The following TMEM237 variants were observed in gnomAD, a reference collection of about 807,000 sequenced individuals.
The protein encoded by TMEM237 is transmembrane protein 237, also known as amyotrophic lateral sclerosis 2 (juvenile) chromosome region, candidate 4.
Under a neutral mutation model 59.1 loss-of-function variants are expected in TMEM237, and 51 were observed. The observed-to-expected ratio is 0.86, with a 90% CI of 0.69 to 1.09. The LOEUF (loss-of-function observed/expected upper bound fraction) is 1.09, where lower values mean the gene tolerates loss of function less well. TMEM237 is among the 50% of genes least tolerant of loss of function. The probability of loss-of-function intolerance (pLI) is 0.00; values close to 1 mark genes in which losing one functional copy is unlikely to be tolerated. For synonymous variants in TMEM237, 140 were observed against 166.1 expected (o/e 0.84, Z 1.21); for missense variants, 475 against 478.3 (o/e 0.99, Z 0.06).
intron 11 of TMEM237, 186 bp from the exon 12 acceptor site, chr2:201,626,333 GTTAT>G (rs1415157550): frequency 3.4e-6 from 2 of 586,818 alleles, no homozygotes; most frequent in African/African-American, 3.7e-5. Context: ...GGGTTCAAAG[GTTAT>G]TTAAACTCTG....
chr2:201,625,844 C>T (rs1203466872), intron 12 of TMEM237, among the ~76,000 whole-genome samples, 182 bp downstream of exon 12: 1 of 152,130 alleles, frequency 6.6e-6, no homozygotes, highest in Admixed American at 6.5e-5. Context: ...CCCTCCTAGA[C>T]ACTCCTCCCT....
chr2:201,636,839 G>A lies in TMEM237; in HGVS notation c.183C>T (p.Pro61=), dbSNP rs372100073. 2.0e-4 allele frequency: 322 copies of A among 1,606,800 alleles called. No homozygotes were observed. The highest frequency in any genetic ancestry group is 1.5e-3 in the Middle Eastern group (9 of 6,038). ...EGLAQTAGRR[P]SEGNEPSTKE... is the part of the protein sequence containing the mutation. The stretch of plus-strand genomic sequence containing the variant: ...TAGTTGATGGCTCATTGCCCTCAGA[G>A]GGCCTTCGACCAGCAGTCTGAGCAA... The change falls in exon 5 of 13, where the codon CCC becomes CCT. Residue 61 remains proline, a synonymous_variant. Coordinates refer to ENST00000409883, the MANE Select transcript of TMEM237 (RefSeq NM_001044385.3).
intron 9 of TMEM237, 47 bp downstream of exon 9, chr2:201,629,183 C>A (rs376829216): frequency 2.2e-6 from 3 of 1,382,004 alleles, no homozygotes. Context: ...TTTTGCTCAG[C>A]ATTTCCTCCT....
At chr2:201,638,754 T>C in intron 4 of TMEM237, 1 of 537,398 alleles carries the variant, frequency 1.9e-6, no homozygotes, top group African/African-American at 1.9e-5. Flanking sequence ...AATAGGAGCT[T>C]AGATGGCACC....
intron 1 of TMEM237, chr2:201,642,590 G>A: frequency 1.2e-6 from 2 of 1,603,238 alleles, no homozygotes; most frequent in Non-Finnish European, 1.7e-6. Context: ...ACAATTAAAA[G>A]TAGCTAAGGC....
intron 7 of TMEM237, 146 bp from the exon 8 acceptor site, chr2:201,629,998 A>G (rs191129062): frequency 1.0e-6 from 1 of 964,942 alleles, no homozygotes; most frequent in Non-Finnish European, 1.5e-6. Flanking sequence ...CTCAGTACCT[A>G]TTTCAGAAGG....
At chr2:201,627,093 A>C (rs1361417241) in intron 11 of TMEM237, among the ~76,000 whole-genome samples, 1 of 149,944 alleles carries the variant, frequency 6.7e-6, no homozygotes, top group Admixed American at 6.7e-5. Context: ...AAAAAAAAAA[A>C]CTATAACTTG....
At chr2:201,626,220 ACTTT>A in intron 11 of TMEM237, 73 bp from the exon 12 acceptor site, 1 of 1,508,462 alleles carries the variant, frequency 6.6e-7, no homozygotes, top group Non-Finnish European at 8.9e-7. Context: ...TATTTTATGA[ACTTT>A]AAGAAAAAAC....
Position 201,626,680 on chromosome 2 carries a change from G to C in TMEM237, c.1038-533C>G, listed in dbSNP as rs989058579. ...TCTTTCTAGCATTGCTTGGTTTTCT[G>C]AATCTATCCCAGCTACTCACTCCCA... On this transcript the variant is annotated intron_variant, in intron 11 of 12. Coordinates refer to ENST00000409883, the MANE Select transcript of TMEM237 (RefSeq NM_001044385.3). 3.3e-5 allele frequency among the ~76,000 whole-genome samples: 5 copies of C among 152,122 alleles called. No individual in the cohort carries two copies. In the East Asian group the frequency reaches 9.6e-4, roughly 29 times the overall value.
chr2:201,633,431 T>A lies in TMEM237; in HGVS notation c.275A>T (p.Glu92Val). Residue 92 changes from glutamate (E) to valine (V), a missense_variant and splice_region_variant, in exon 6 of 13, where the codon GAA (glutamate) becomes GTA (valine). Transcript: ENST00000409883. Reference protein sequence around the residue: ...RRQKKTRLPLELETSSTQKKS... With the variant: ...RRQKKTRLPLVLETSSTQKKS... Reference sequence around the variant, plus strand: ...CTTTTGGGTGGAGGAAGTCTCCAATTCTGAAAACAAAATAAATTTAACTTT... The same window carrying A: ...CTTTTGGGTGGAGGAAGTCTCCAATACTGAAAACAAAATAAATTTAACTTT... 1 of 1,526,442 alleles carries A rather than the reference T, an allele frequency of 6.6e-7. No individual in the cohort carries two copies. Among genetic ancestry groups the A allele is most frequent in the Non-Finnish European group, 8.8e-7 (1 of 1,138,912 alleles). 94.6% of individuals were successfully genotyped at this position (1,526,442 alleles called of 1,614,324 possible).
At chr2:201,641,992 G>A (rs1418296001) in intron 1 of TMEM237, among the ~76,000 whole-genome samples, 3 of 152,144 alleles carry the variant, frequency 2.0e-5, no homozygotes, top group Non-Finnish European at 2.9e-5. Context: ...TAATTCAATG[G>A]GAAACAAATG....
rs939181432 is a variant in TMEM237 at position 201,621,093 on chromosome 2, A to C, written c.*3162T>G. The C allele has an allele frequency of 2.0e-5, 3 of 152,260 alleles. No homozygotes were observed. The highest frequency in any genetic ancestry group is 1.3e-4 in the Admixed American group (2 of 15,290). 9.4% of individuals were successfully genotyped at this position (152,260 alleles called of 1,614,324 possible). A position where few individuals can be genotyped will look rare whatever the true frequency, so the allele number is the denominator to read the frequency against. On this transcript the variant is annotated 3_prime_UTR_variant, in exon 13 of 13. Transcript: ENST00000409883. ...GTTCTTAGGGTTCATGTTATGCAAC[A>C]TAAAGTACACAGCATCACAGATGAA...
At chr2:201,632,334 T>C in intron 6 of TMEM237, 126 bp from the exon 7 acceptor site, 1 of 1,025,008 alleles carries the variant, frequency 9.8e-7, no homozygotes. Context: ...TGGTTTTTAC[T>C]CAAATAAATC....
chr2:201,624,137 A>G lies in TMEM237; in HGVS notation c.*118T>C, dbSNP rs1957735716. ...TTTTCATAATATTGAGAGATGTTTC[A>G]GTATTATATAATCAAAAAATCTATT... is the stretch of plus-strand genomic sequence containing the variant. On this transcript the variant is annotated 3_prime_UTR_variant, in exon 13 of 13. Transcript: ENST00000409883. 1 of 567,316 alleles carries G rather than the reference A, an allele frequency of 1.8e-6. No homozygotes were observed. The highest frequency in any genetic ancestry group is 1.9e-5 in the African/African-American group (1 of 51,798). 35.1% of individuals were successfully genotyped at this position (567,316 alleles called of 1,614,324 possible).
At chr2:201,627,196 T>C (rs1029521058) in intron 11 of TMEM237, 125 bp downstream of exon 11, 1 of 637,184 alleles carries the variant, frequency 1.6e-6, no homozygotes, top group Non-Finnish European at 2.7e-6. Flanking sequence ...GAATAAGTAT[T>C]TTCTTGCCAT....
rs888533259 is a variant in TMEM237, at chr2:201,643,376, G to T, written c.25C>A (p.Leu9Met). 1.3e-6 allele frequency: 2 copies of T among 1,545,448 alleles called. No homozygotes were observed. Among genetic ancestry groups the T allele is most frequent in the Non-Finnish European group, 1.7e-6 (2 of 1,144,828 alleles). Residue 9 changes from leucine (L) to methionine (M), a missense_variant, in exon 1 of 13, where the codon CTG becomes ATG. By Grantham distance (15) the Leu-to-Met change is conservative (BLOSUM62 2). Coordinates refer to ENST00000409883, the MANE Select transcript of TMEM237 (RefSeq NM_001044385.3). The surrounding 1 kb of genome is among the most constrained non-coding windows in gnomAD (Gnocchi z 4.3). ...CCGCTCACCAGGTGGCCCTCCTCCAGCCGAGCCCCCGAGTCAGTCCTCATG... is the reference window on the plus strand; with the variant it reads ...CCGCTCACCAGGTGGCCCTCCTCCATCCGAGCCCCCGAGTCAGTCCTCATG... Reference protein sequence around the residue: MRTDSGARLEEGHLRPPRA... With the variant: MRTDSGARMEEGHLRPPRA...
intron 5 of TMEM237, among the ~76,000 whole-genome samples, 151 bp from the exon 6 acceptor site, chr2:201,633,582 T>C (rs2105900950): frequency 6.6e-6 from 1 of 152,332 alleles, no homozygotes; most frequent in South Asian, 2.1e-4. Context: ...TTTAAAAATG[T>C]TATACTTCTA....
intron 10 of TMEM237, 24 bp downstream of exon 10, chr2:201,628,052 T>C (rs766384457): frequency 1.3e-6 from 2 of 1,576,474 alleles, no homozygotes; most frequent in South Asian, 1.2e-5. Flanking sequence ...ATTACACAGT[T>C]ATCATGTTAA....
chr2:201,631,672 A>G (rs1048761958), intron 7 of TMEM237, among the ~76,000 whole-genome samples: 2 of 152,168 alleles, frequency 1.3e-5, no homozygotes, highest in African/African-American at 2.4e-5. Context: ...ACCAGCATTA[A>G]TATTTGAGCC....
Sources: gnomAD v4.1 joint callset for allele counts (sites outside exome capture counted in the v4.1 genomes callset) on GRCh38, gnomAD v4.1.1 for gene constraint, Gnocchi (gnomAD v3.1) non-coding constraint, MANE v1.5 for transcripts, NCBI Gene and HGNC (gene_info 2026-07-23, HGNC 2026-07-21) for gene names.